The following PARD3B variants were observed in gnomAD, a reference collection of about 807,000 sequenced individuals.
The protein encoded by PARD3B is par-3 family cell polarity regulator beta.
A neutral mutation model predicts 130.2 loss-of-function variants in PARD3B; 103 were observed. That is an observed-to-expected ratio of 0.79 (90% CI 0.67 to 0.93). The LOEUF (loss-of-function observed/expected upper bound fraction) is 0.93, where lower values mean the gene tolerates loss of function less well. PARD3B is among the 40% of genes least tolerant of loss of function. The pLI, the probability that PARD3B is intolerant of heterozygous loss-of-function variation, is 0.00. For missense variants in PARD3B, 1,609 were observed against 1,499.2 expected (o/e 1.07, Z -1.21); for synonymous variants, 583 against 553.2 (o/e 1.05, Z -0.76).
intron 2 of PARD3B, among the ~76,000 whole-genome samples, chr2:204,747,771 T>C (rs1458664213): frequency 6.6e-6 from 1 of 152,040 alleles, no homozygotes; most frequent in Non-Finnish European, 1.5e-5. Context: ...CAAAATGATA[T>C]AGCAGGATTT....
chr2:205,514,833 C>CTTTTTTTTTTT (rs5837976), intron 21 of PARD3B, among the ~76,000 whole-genome samples: 2 of 136,066 alleles, frequency 1.5e-5, no homozygotes, highest in Admixed American at 7.3e-5. Context: ...TCTTACAGTT[C>CTTTTTTTTTTT]TTTTTTTTTT....
intron 22 of PARD3B, among the ~76,000 whole-genome samples, chr2:205,599,032 C>G (rs866598753): frequency 6.6e-6 from 1 of 152,132 alleles, no homozygotes; most frequent in Non-Finnish European, 1.5e-5. Flanking sequence ...CTCAAATTAA[C>G]AACCTAATAT....
At chr2:205,044,070 T>C (rs1698584540) in intron 3 of PARD3B, among the ~76,000 whole-genome samples, 1 of 151,838 alleles carries the variant, frequency 6.6e-6, no homozygotes, top group Non-Finnish European at 1.5e-5. Flanking sequence ...GGTTTTTTGT[T>C]CTTGAGATAG....
rs1335319409 is a variant in PARD3B, at chr2:205,301,310, AGT to A, written c.2393-153_2393-152del. On this transcript the variant is annotated intron_variant, in intron 17 of 22. Coordinates refer to ENST00000406610, the MANE Select transcript of PARD3B (RefSeq NM_001302769.2). This position sits in a 1 kb window ranked among gnomAD's most constrained non-coding sequence, Gnocchi z 5.2. ...TTGCTCGAAGTAACCAGATTTAGGC[AGT>A]CAGATCTTCAAAGGGCGCACGTAAC... Among the ~76,000 whole-genome samples the A allele has an allele frequency of 7.2e-5, 11 of 152,238 alleles. No homozygotes were observed. Among genetic ancestry groups the A allele is most frequent in the Non-Finnish European group, 1.5e-4 (10 of 68,038 alleles).
At chr2:204,899,265 C>CCTTCCTTCCTTCCTGTCTTCCTTCCTGT (rs2046768906) in intron 2 of PARD3B, among the ~76,000 whole-genome samples, 1 of 124,644 alleles carries the variant, frequency 8.0e-6, no homozygotes, top group African/African-American at 3.0e-5. Context: ...TCCCTTCCTT[C>CCTTCCTTCCTTCCTGTCTTCCTTCCTGT]CTTCCTTCCT....
rs371057001 is a variant in PARD3B at position 204,766,257 on chromosome 2, G to C, written c.222+79975G>C. On this transcript the variant is annotated intron_variant, in intron 2 of 22. Transcript: ENST00000406610. ...ATCTCACTGATTGATTTTATGTTAAGTAGTACTTAATACTTATGTGTTTAA... is the reference window on the plus strand; with the variant it reads ...ATCTCACTGATTGATTTTATGTTAACTAGTACTTAATACTTATGTGTTTAA... Among the ~76,000 whole-genome samples the C allele has an allele frequency of 5.5e-4, 83 of 152,164 alleles. 1 individual carries two copies. The highest frequency in any genetic ancestry group is 2.0e-3 in the African/African-American group (83 of 41,548).
At chr2:205,553,289 T>A in intron 21 of PARD3B, 35 bp from the exon 22 acceptor site, 1 of 1,585,192 alleles carries the variant, frequency 6.3e-7, no homozygotes, top group South Asian at 1.1e-5. Context: ...AGGTGTATAA[T>A]GGATCTTCAT....
At chr2:205,356,105 C>CT (rs998566805) in intron 18 of PARD3B, among the ~76,000 whole-genome samples, 5 of 152,192 alleles carry the variant, frequency 3.3e-5, no homozygotes, top group Admixed American at 6.5e-5. Flanking sequence ...CAGTGTGACA[C>CT]TGAGCAAGCC....
At chr2:205,308,344 C>T (rs558463152) in intron 18 of PARD3B, among the ~76,000 whole-genome samples, 145 of 152,100 alleles carry the variant, frequency 9.5e-4, no homozygotes, top group Middle Eastern at 3.4e-3. Flanking sequence ...TGGTGGCTCT[C>T]GCCTGTAATC....
intron 4 of PARD3B, among the ~76,000 whole-genome samples, chr2:205,085,915 A>G (rs182722511): frequency 3.3e-5 from 5 of 152,332 alleles, no homozygotes; most frequent in Admixed American, 2.6e-4. Flanking sequence ...GATACATTAT[A>G]TAAGGCTGTA....
chr2:204,786,901 A>G (rs868441778), intron 2 of PARD3B, among the ~76,000 whole-genome samples: 1 of 151,970 alleles, frequency 6.6e-6, no homozygotes, highest in Non-Finnish European at 1.5e-5. Flanking sequence ...CAATAAAACT[A>G]AAAAGCATTT....
intron 2 of PARD3B, among the ~76,000 whole-genome samples, chr2:204,726,042 AACAG>A (rs2039210449): frequency 1.3e-5 from 2 of 152,188 alleles, no homozygotes; most frequent in South Asian, 2.1e-4. Context: ...AACATTAACT[AACAG>A]ACAGATTGAG....
chr2:205,225,887 G>A (rs2125883085), intron 15 of PARD3B, among the ~76,000 whole-genome samples: 2 of 152,294 alleles, frequency 1.3e-5, no homozygotes, highest in Middle Eastern at 3.4e-3. Context: ...AGATGTGGGT[G>A]GAGACACAGA....
At chr2:205,217,719 C>CACACAT (rs2125862864) in intron 15 of PARD3B, among the ~76,000 whole-genome samples, 1 of 149,568 alleles carries the variant, frequency 6.7e-6, no homozygotes, top group South Asian at 2.1e-4. Context: ...TATATATATA[C>CACACAT]ACACATACAT....
intron 18 of PARD3B, among the ~76,000 whole-genome samples, chr2:205,320,180 AGAG>A (rs1486010679): frequency 1.3e-3 from 2 of 1,516 alleles, no homozygotes; most frequent in Admixed American, 0.029. Context: ...AAAGAAAGAG[AGAG>A]AGAGAGAGAG....
chr2:204,915,665 A>G (rs1046867894), intron 2 of PARD3B, among the ~76,000 whole-genome samples: 1 of 152,202 alleles, frequency 6.6e-6, no homozygotes, highest in Admixed American at 6.5e-5. Context: ...AGAAATCACA[A>G]GTTCTGAGTC....
At chr2:205,248,952 G>T (rs2039704884) in intron 16 of PARD3B, among the ~76,000 whole-genome samples, 1 of 149,540 alleles carries the variant, frequency 6.7e-6, no homozygotes, top group Admixed American at 6.7e-5. Flanking sequence ...TTTTTGTTGT[G>T]ATATTGTCCC....
At chr2:204,698,399 C>T (rs537116747) in intron 2 of PARD3B, among the ~76,000 whole-genome samples, 1 of 152,224 alleles carries the variant, frequency 6.6e-6, no homozygotes, top group South Asian at 2.1e-4. Flanking sequence ...AATTACACAT[C>T]TTAAAATCTG....
chr2:205,412,234 C>T (rs540244865), intron 19 of PARD3B, among the ~76,000 whole-genome samples: 1 of 152,160 alleles, frequency 6.6e-6, no homozygotes, highest in South Asian at 2.1e-4. Flanking sequence ...GCACAAACTC[C>T]TGCCTTTTTC....
Sources: allele counts gnomAD v4.1 joint callset (sites outside exome capture counted in the v4.1 genomes callset), GRCh38; gene constraint gnomAD v4.1.1; non-coding constraint Gnocchi (gnomAD v3.1); transcripts MANE v1.5; gene names NCBI Gene and HGNC (gene_info 2026-07-23, HGNC 2026-07-21).